The following PABPC1L variants were observed in gnomAD, a reference collection of about 807,000 sequenced individuals.
PABPC1L encodes the protein polyadenylate-binding protein 1-like.
In PABPC1L, 31 loss-of-function variants were observed where a neutral mutation model predicts 66.6. The observed-to-expected ratio is 0.47, with a 90% CI of 0.35 to 0.63. The LOEUF is 0.63. Among genes scored for constraint, PABPC1L ranks in the 20% least tolerant of loss-of-function variants. The pLI, the probability that PABPC1L is intolerant of heterozygous loss-of-function variation, is 0.00. For missense variants in PABPC1L, 722 were observed against 848.8 expected (o/e 0.85, Z 1.86); for synonymous variants, 348 against 335.1 (o/e 1.04, Z -0.42).
intron 7 of PABPC1L, among the ~76,000 whole-genome samples, chr20:44,929,095 C>A (rs1434168398): frequency 1.3e-5 from 2 of 150,862 alleles, no homozygotes; most frequent in Admixed American, 6.6e-5. Context: ...CTGATCTCTA[C>A]AAACTTAAAA....
chr20:44,915,084 A>G (rs1198721780), intron 2 of PABPC1L, among the ~76,000 whole-genome samples: 3 of 152,188 alleles, frequency 2.0e-5, no homozygotes, highest in Non-Finnish European at 4.4e-5. Flanking sequence ...CTGTTTCAGG[A>G]TGAGAGGTGG....
At chr20:44,914,369 G>C (rs1479525940) in intron 2 of PABPC1L, among the ~76,000 whole-genome samples, 1 of 152,064 alleles carries the variant, frequency 6.6e-6, no homozygotes, top group African/African-American at 2.4e-5. Context: ...ACCACGCCCA[G>C]CTAATTTTTT....
chr20:44,929,874 T>TA (rs2066838030), intron 7 of PABPC1L, among the ~76,000 whole-genome samples: 1 of 151,854 alleles, frequency 6.6e-6, no homozygotes. Flanking sequence ...TACTCCAAAG[T>TA]AAAAAGGTTA....
intron 10 of PABPC1L, 55 bp from the exon 11 acceptor site, chr20:44,935,336 G>T: frequency 1.5e-6 from 2 of 1,316,830 alleles, no homozygotes; most frequent in Non-Finnish European, 2.2e-6. Flanking sequence ...TTTTGTTTTT[G>T]GATAGCAGCT....
intron 7 of PABPC1L, among the ~76,000 whole-genome samples, chr20:44,928,882 A>G (rs1045747654): frequency 5.7e-4 from 85 of 148,830 alleles, no homozygotes; most frequent in African/African-American, 1.7e-3. Context: ...AAAAAAAAAA[A>G]AAAGAAAAAA....
chr20:44,926,585 C>T (rs1025768004), intron 7 of PABPC1L, among the ~76,000 whole-genome samples: 3 of 149,226 alleles, frequency 2.0e-5, no homozygotes, highest in East Asian at 2.0e-4. Context: ...TCCTTCTTGT[C>T]GCCCAGGCTG....
At chr20:44,938,596 A>T in intron 13 of PABPC1L, 78 bp from the exon 14 acceptor site, 1 of 1,497,038 alleles carries the variant, frequency 6.7e-7, no homozygotes, top group South Asian at 1.2e-5. Context: ...CAGGATGGTG[A>T]GCGAGGGGGA....
At position 44,910,796 on chromosome 20, in the gene PABPC1L, G is replaced by A. The variant is rs912438708; in HGVS notation, c.193+460G>A. ...CAGCTGGTGAGCAGGGGAGGCAGGA[G>A]AACCCAGCCTTGGGCTCAGGCCTTT... On this transcript the variant is annotated intron_variant, in intron 1 of 14. Coordinates refer to ENST00000217073, the MANE Select transcript of PABPC1L (RefSeq NM_001372179.1). Among the ~76,000 whole-genome samples the A allele has an allele frequency of 1.2e-4, 18 of 152,192 alleles. 1 individual carries two copies. Among genetic ancestry groups the A allele is most frequent in the African/African-American group, 4.3e-4 (18 of 41,456 alleles).
At chr20:44,913,099 C>A (rs1181916935) in intron 2 of PABPC1L, among the ~76,000 whole-genome samples, 1 of 152,202 alleles carries the variant, frequency 6.6e-6, no homozygotes, top group East Asian at 1.9e-4. Flanking sequence ...CAACAACAAT[C>A]ATTTATTTAG....
rs185737007 is a variant in PABPC1L at position 44,912,666 on chromosome 20, G to A, written c.200G>A (p.Arg67Gln). 2,811 of 1,610,376 alleles carry A rather than the reference G, an allele frequency of 1.7e-3. 2 individuals are homozygous for A. Among genetic ancestry groups the A allele is most frequent in the Non-Finnish European group, 2.0e-3 (2,379 of 1,177,138 alleles). The change falls in exon 2 of 15, where the codon CGG becomes CAG. Residue 67 changes from arginine to glutamine, a missense_variant. Transcript: ENST00000217073. ...INFQQPADAE[R>Q]ALDTMNFEML... ...TCCTCTTCCTTCTGTCCAGCGGAGC[G>A]GGCACTGGACACAATGAACTTTGAG...
At position 44,938,751 on chromosome 20, in the gene PABPC1L, G is replaced by A. The variant is rs1419506573; in HGVS notation, c.*6+3G>A. The A allele has an allele frequency of 6.2e-7, 1 of 1,609,068 alleles. No homozygotes were observed. The highest frequency in any genetic ancestry group is 8.5e-7 in the Non-Finnish European group (1 of 1,177,912). On this transcript the variant is annotated splice_donor_region_variant and intron_variant, in intron 14 of 14. Transcript: ENST00000217073. ...AGGCGTACATGCACTGAAACCAGGT[G>A]GGTGGAATGGTGACAGAAGCAGCTG...
chr20:44,930,566 C>T lies in PABPC1L; in HGVS notation c.1079C>T (p.Thr360Ile), dbSNP rs765297788. 6.2e-7 allele frequency: 1 copy of T among 1,614,262 alleles called. No homozygotes were observed. Among genetic ancestry groups the T allele is most frequent in the South Asian group, 1.1e-5 (1 of 91,092 alleles). ...GAGATGAACGGGCGCATCGTGGGCA[C>T]CAAGCCACTCTACGTGGCACTGGCC... The part of the protein sequence containing the change: ...VTEMNGRIVG[T>I]KPLYVALAQR... Residue 360 changes from threonine to isoleucine, a missense_variant, in exon 8 of 15, where the codon ACC (threonine) becomes ATC (isoleucine). By Grantham distance (89) the Thr-to-Ile change is moderately conservative. This residue lies in a region of PABPC1L where 137 missense variants were observed against 216.8 expected (regional missense o/e 0.63). Coordinates refer to ENST00000217073, the MANE Select transcript of PABPC1L (RefSeq NM_001372179.1).
Position 44,916,917 on chromosome 20 carries a change from A to G in PABPC1L, c.503+46A>G, listed in dbSNP as rs773963440. On this transcript the variant is annotated intron_variant, in intron 3 of 14. Transcript: ENST00000217073. The stretch of plus-strand genomic sequence containing the variant: ...GAGGGGCGGAGGCTGCAGGGACAGA[A>G]GCATGGCACCACCGACTAGGAATCG... 3.1e-5 allele frequency: 48 copies of G among 1,560,982 alleles called. No individual in the cohort carries two copies. The Middle Eastern group carries it at 6.7e-4, about 22-fold the overall frequency.
intron 3 of PABPC1L, among the ~76,000 whole-genome samples, chr20:44,918,616 C>A (rs982317979): frequency 3.2e-4 from 48 of 152,358 alleles, no homozygotes; most frequent in Admixed American, 2.5e-3. Flanking sequence ...CAGGCTCATT[C>A]TTCTGTGCTC....
intron 10 of PABPC1L, among the ~76,000 whole-genome samples, chr20:44,934,266 T>C (rs941941883): frequency 2.0e-5 from 3 of 152,236 alleles, no homozygotes; most frequent in African/African-American, 7.2e-5. Flanking sequence ...ACTCAGTCTC[T>C]GGCCTTAGGT....
chr20:44,911,511 T>C (rs2066704736), intron 1 of PABPC1L, among the ~76,000 whole-genome samples: 2 of 152,062 alleles, frequency 1.3e-5, no homozygotes, highest in South Asian at 4.1e-4. Context: ...ACGAAAATAG[T>C]GGCTTTAACA....
At position 44,925,525 on chromosome 20, in the gene PABPC1L, A is replaced by G. The variant is rs115111863; in HGVS notation, c.972+1269A>G. On this transcript the variant is annotated intron_variant, in intron 7 of 14. Transcript: ENST00000217073. ...TGGCTGTGAGGAGGTAGGGAGCTGG[A>G]GTGGGAATGAGGAATTTTCCAAAGA... is the stretch of plus-strand genomic sequence containing the variant. 5.3e-3 allele frequency among the ~76,000 whole-genome samples: 802 copies of G among 152,190 alleles called. 4 individuals carry two copies. Among genetic ancestry groups the G allele is most frequent in the African/African-American group, 0.018 (756 of 41,542 alleles).
intron 1 of PABPC1L, among the ~76,000 whole-genome samples, chr20:44,911,587 G>T (rs1162210782): frequency 6.6e-6 from 1 of 152,198 alleles, no homozygotes; most frequent in Non-Finnish European, 1.5e-5. Flanking sequence ...GATCCCTTGC[G>T]CCAGGTCGCC....
chr20:44,937,891 G>A (rs1005106064), intron 12 of PABPC1L, 170 bp from the exon 13 acceptor site: 1 of 885,876 alleles, frequency 1.1e-6, no homozygotes, highest in East Asian at 2.8e-5. Flanking sequence ...ACCAGGCCCA[G>A]TCATTAAAAG....
Sources: gnomAD v4.1 joint callset for allele counts (sites outside exome capture counted in the v4.1 genomes callset) on GRCh38, gnomAD v4.1.1 for gene constraint, gnomAD v4.1.1 regional missense constraint, MANE v1.5 for transcripts, NCBI Gene and HGNC (gene_info 2026-07-23, HGNC 2026-07-21) for gene names.